The following PIK3CD variants were observed in gnomAD, a reference collection of about 807,000 sequenced individuals.
The protein encoded by PIK3CD is phosphatidylinositol 4,5-bisphosphate 3-kinase catalytic subunit delta isoform.
PIK3CD carries 20 observed loss-of-function variants against 122.9 expected under a neutral mutation model. The ratio of observed to expected loss-of-function variants is 0.16; its 90% CI spans 0.11 to 0.24. The LOEUF (loss-of-function observed/expected upper bound fraction) is 0.24, where lower values mean the gene tolerates loss of function less well. Among genes scored for constraint, PIK3CD ranks in the 10% least tolerant of loss-of-function variants. The probability of loss-of-function intolerance (pLI) is 1.00; values close to 1 mark genes in which losing one functional copy is unlikely to be tolerated. For missense variants in PIK3CD, 787 were observed against 1,406.3 expected (o/e 0.56, Z 7.04); for synonymous variants, 596 against 593.4 (o/e 1.00, Z -0.06).
intron 23 of PIK3CD, among the ~76,000 whole-genome samples, chr1:9,726,286 A>C (rs1056271860): frequency 6.6e-6 from 1 of 152,096 alleles, no homozygotes; most frequent in Non-Finnish European, 1.5e-5. Context: ...AGGCGGGTGA[A>C]TCATGAGGTC....
Position 9,717,058 on chromosome 1 carries a change from C to T in PIK3CD, c.880C>T (p.Pro294Ser), listed in dbSNP as rs1345563055. The part of the protein sequence containing the change: ...AMRDEQSNPA[P>S]QVQKPRAKPP... ...GCGGGATGAGCAGAGCAACCCTGCC[C>T]CCCAGGTCCAGAAACCGCGTGCCAA... The change falls in exon 7 of 24, where the codon CCC becomes TCC. Residue 294 changes from proline (P) to serine (S), a missense_variant. This residue lies in a region of PIK3CD where 592 missense variants were observed against 920.6 expected (regional missense o/e 0.64). Transcript: ENST00000377346. This position sits in a 1 kb window ranked among gnomAD's most constrained non-coding sequence, Gnocchi z 5.4. The T allele has an allele frequency of 1.2e-6, 2 of 1,613,884 alleles. No individual in the cohort carries two copies. The highest frequency in any genetic ancestry group is 2.2e-5 in the East Asian group (1 of 44,896).
intron 1 of PIK3CD, among the ~76,000 whole-genome samples, chr1:9,658,817 C>CT (rs1644933420): frequency 1.3e-5 from 2 of 152,146 alleles, no homozygotes; most frequent in South Asian, 2.1e-4. Flanking sequence ...CACCAAGCCA[C>CT]TTTTTATCTG....
intron 1 of PIK3CD, among the ~76,000 whole-genome samples, chr1:9,657,251 T>C (rs1644884238): frequency 6.6e-6 from 1 of 152,180 alleles, no homozygotes; most frequent in Non-Finnish European, 1.5e-5. Flanking sequence ...CTTAACTTAC[T>C]TACATCTGCA....
At chr1:9,642,065 G>A in the PIK3CD span, among the ~76,000 whole-genome samples, 23 of 152,170 alleles carry the variant, frequency 1.5e-4, 1 homozygote, top group African/African-American at 5.3e-4. Flanking sequence ...TACAGGGAGT[G>A]CAGCCTGACA....
At chr1:9,663,420 C>A (rs1645066398) in intron 1 of PIK3CD, among the ~76,000 whole-genome samples, 5 of 152,140 alleles carry the variant, frequency 3.3e-5, no homozygotes. Context: ...GGGCCCGTAT[C>A]CCCTCATTTC....
chr1:9,633,834 G>A, the PIK3CD span, among the ~76,000 whole-genome samples: 1 of 152,124 alleles, frequency 6.6e-6, no homozygotes, highest in Non-Finnish European at 1.5e-5. Context: ...CTGGACAATA[G>A]GAGATACCAT....
At chr1:9,682,927 A>G (rs1305652652) in intron 1 of PIK3CD, among the ~76,000 whole-genome samples, 1 of 152,130 alleles carries the variant, frequency 6.6e-6, no homozygotes. Flanking sequence ...CAACCAGGAA[A>G]GGAGATGTCT....
At chr1:9,673,339 A>C (rs1645395624) in intron 1 of PIK3CD, among the ~76,000 whole-genome samples, 1 of 152,038 alleles carries the variant, frequency 6.6e-6, no homozygotes, top group Non-Finnish European at 1.5e-5. Flanking sequence ...AGCTCACTGC[A>C]ACCTCTGCCT....
At position 9,720,439 on chromosome 1, in the gene PIK3CD, A is replaced by G. The variant is rs2100944801; in HGVS notation, c.1471-172A>G. The G allele has an allele frequency of 7.0e-7, 1 of 1,422,524 alleles. No individual in the cohort carries two copies. Among genetic ancestry groups the G allele is most frequent in the African/African-American group, 1.4e-5 (1 of 69,940 alleles). 88.1% of individuals were successfully genotyped at this position (1,422,524 alleles called of 1,614,324 possible). ...GACATTTTCGGTTGTCACAGCTGCC[A>G]GGAGGGATGCTCTTGGCATCTCGTG... On this transcript the variant is annotated intron_variant, in intron 11 of 23. Transcript: ENST00000377346. The surrounding 1 kb of genome is among the most constrained non-coding windows in gnomAD (Gnocchi z 9.0).
chr1:9,688,265 T>G (rs1307868413), intron 1 of PIK3CD: 1 of 152,422 alleles, frequency 6.6e-6, no homozygotes, highest in East Asian at 1.9e-4. Context: ...CCAGGGCTGA[T>G]TCTGGTGCTC....
At chr1:9,726,766 G>A (rs1649704867) in intron 23 of PIK3CD, 143 bp from the exon 24 acceptor site, 3 of 1,044,220 alleles carry the variant, frequency 2.9e-6, no homozygotes, top group South Asian at 1.5e-5. Context: ...GAGGGTGGGA[G>A]CGGAATAGAG....
chr1:9,631,829 C>T, the PIK3CD span, among the ~76,000 whole-genome samples: 1 of 152,194 alleles, frequency 6.6e-6, no homozygotes, highest in Non-Finnish European at 1.5e-5. Flanking sequence ...TTTACCTCGT[C>T]CTGCCACACC....
chr1:9,646,761 T>A (rs1444485897), upstream of PIK3CD, among the ~76,000 whole-genome samples: 1 of 152,084 alleles, frequency 6.6e-6, no homozygotes, highest in Admixed American at 6.5e-5. Flanking sequence ...GAGACCAGCC[T>A]GGCCAACATG....
chr1:9,683,330 C>T (rs1169271922), intron 1 of PIK3CD, among the ~76,000 whole-genome samples: 3 of 150,882 alleles, frequency 2.0e-5, no homozygotes, highest in South Asian at 2.1e-4. Context: ...CCCAGCTACT[C>T]GGGAGGCTGA....
intron 2 of PIK3CD, among the ~76,000 whole-genome samples, chr1:9,701,139 A>C (rs1646611123): frequency 6.6e-6 from 1 of 152,124 alleles, no homozygotes; most frequent in African/African-American, 2.4e-5. Flanking sequence ...CCCAGGTGCC[A>C]GCCCTTGTTC....
the PIK3CD span, among the ~76,000 whole-genome samples, chr1:9,645,353 C>T: frequency 6.6e-6 from 1 of 152,002 alleles, no homozygotes. Flanking sequence ...CTTCCTGGCA[C>T]CCCAAGCAAA....
In PIK3CD at chr1:9,725,606, C is replaced by T. The variant is rs113134269; in HGVS notation, c.2997+670C>T. On this transcript the variant is annotated intron_variant, in intron 23 of 23. Transcript: ENST00000377346. ...AAAAGATATTTTTCCAGGCCGGGTG[C>T]GGTGGCTCACGCCTGTAATCCCAGC... is the stretch of plus-strand genomic sequence containing the variant. Among the ~76,000 whole-genome samples the T allele has an allele frequency of 3.4e-3, 486 of 140,936 alleles. 2 individuals are homozygous for T. Among genetic ancestry groups the T allele is most frequent in the Non-Finnish European group, 6.1e-3 (394 of 64,836 alleles). 92.5% of individuals were successfully genotyped at this position (140,936 alleles called of 152,430 possible). A position where few individuals can be genotyped will look rare whatever the true frequency, so the allele number is the denominator to read the frequency against.
chr1:9,693,148 A>G (rs1294152191), intron 2 of PIK3CD, among the ~76,000 whole-genome samples: 1 of 151,988 alleles, frequency 6.6e-6, no homozygotes, highest in African/African-American at 2.4e-5. Context: ...AGAGAAAACC[A>G]CTGTTTCCTC....
Position 9,689,876 on chromosome 1 carries a change from T to TG in PIK3CD, c.-137-1591_-137-1590insG, listed in dbSNP as rs1646134082. Among the ~76,000 whole-genome samples, 4 of 146,186 alleles carry TG rather than the reference T, an allele frequency of 2.7e-5. No individual in the cohort carries two copies. The highest frequency in any genetic ancestry group is 6.7e-5 in the Admixed American group (1 of 14,850). ...ATCAGGGGTCCGGGGCCGTGGGGGC[T>TG]TGGGGGGCCGAGGCAGGGGGTTGCG... On this transcript the variant is annotated intron_variant, in intron 1 of 23. Coordinates refer to ENST00000377346, the MANE Select transcript of PIK3CD (RefSeq NM_005026.5). The surrounding 1 kb of genome is among the most constrained non-coding windows in gnomAD (Gnocchi z 6.1).
Sources: allele counts gnomAD v4.1 joint callset (sites outside exome capture counted in the v4.1 genomes callset), GRCh38; gene constraint gnomAD v4.1.1; regional missense constraint gnomAD v4.1.1; non-coding constraint Gnocchi (gnomAD v3.1); transcripts MANE v1.5; gene names NCBI Gene and HGNC (gene_info 2026-07-23, HGNC 2026-07-21).